NBAS: variants seen among roughly 807,000 people sequenced by gnomAD.
NBAS encodes NBAS subunit of NRZ tethering complex.
In NBAS, 219 loss-of-function variants were observed where a neutral mutation model predicts 302.5. The ratio of observed to expected loss-of-function variants is 0.72; its 90% CI spans 0.65 to 0.81. The LOEUF is 0.81. Ranked by LOEUF, NBAS falls within the 30% of genes least tolerant of loss-of-function variation. The pLI, the probability that NBAS is intolerant of heterozygous loss-of-function variation, is 0.00. For missense variants in NBAS, 2,932 were observed against 2,841.6 expected (o/e 1.03, Z -0.72); for synonymous variants, 1,118 against 1,021.6 (o/e 1.09, Z -1.80).
the NBAS span, among the ~76,000 whole-genome samples, chr2:15,107,023 C>T: frequency 6.6e-6 from 1 of 152,064 alleles, no homozygotes; most frequent in African/African-American, 2.4e-5. Context: ...TAAAACCAAA[C>T]TACCACTTGC....
chr2:14,910,095 C>A, the NBAS span, among the ~76,000 whole-genome samples: 31 of 152,146 alleles, frequency 2.0e-4, no homozygotes, highest in East Asian at 5.0e-3. Flanking sequence ...GGTTCATTTG[C>A]GTATGAGAAT....
rs1675867015 is a variant in NBAS, at chr2:15,396,396, A to AG, written c.3134+16_3134+17insC. The AG allele has an allele frequency of 6.3e-7, 1 of 1,598,768 alleles. No homozygotes were observed. The highest frequency in any genetic ancestry group is 1.7e-5 in the Admixed American group (1 of 58,752). On this transcript the variant is annotated intron_variant, in intron 27 of 51. Transcript: ENST00000281513. ...TTAATAAGCATGGAGAAAAAAAAAAACTGTCATTTTTCTCACCTGAGAATT... is the reference window on the plus strand; with the variant it reads ...TTAATAAGCATGGAGAAAAAAAAAAAGCTGTCATTTTTCTCACCTGAGAATT...
chr2:15,506,004 C>G (rs368549996), intron 10 of NBAS, among the ~76,000 whole-genome samples: 2 of 151,256 alleles, frequency 1.3e-5, no homozygotes, highest in East Asian at 3.9e-4. Flanking sequence ...ACAAGGTACT[C>G]AAGGATAATT....
intron 18 of NBAS, 120 bp downstream of exon 18, chr2:15,467,542 TAG>T: frequency 7.9e-7 from 1 of 1,271,604 alleles, no homozygotes; most frequent in Non-Finnish European, 1.1e-6. Context: ...GGTAAGATAA[TAG>T]TAAGTACATT....
chr2:15,179,223 G>A (rs946863649), intron 50 of NBAS, 107 bp from the exon 51 acceptor site: 1 of 1,552,158 alleles, frequency 6.4e-7, no homozygotes, highest in Admixed American at 1.8e-5. Flanking sequence ...GTGTGTGTGT[G>A]TGTGTAAAGC....
Position 15,309,123 on chromosome 2 carries a change from T to A in NBAS, c.4659+48A>T, listed in dbSNP as rs754374719. On this transcript the variant is annotated intron_variant, in intron 39 of 51. Coordinates refer to ENST00000281513, the MANE Select transcript of NBAS (RefSeq NM_015909.4). ...TACCGATGAAAATTCACAGCATACA[T>A]TTTCCATTTAGTCATTTTAAATTCT... 4 of 1,482,430 alleles carry A rather than the reference T, an allele frequency of 2.7e-6. No individual in the cohort carries two copies. In the East Asian group the frequency reaches 9.2e-5, roughly 34 times the overall value. The allele number at this position is 1,482,430 out of a possible 1,614,324, so 91.8% of individuals were successfully genotyped here.
At chr2:15,213,263 A>G (rs983000483) in intron 48 of NBAS, among the ~76,000 whole-genome samples, 9 of 152,368 alleles carry the variant, frequency 5.9e-5, no homozygotes, top group African/African-American at 2.2e-4. Context: ...CAAATGACAT[A>G]TGCTTGAAGA....
chr2:14,876,123 A>G, the NBAS span, among the ~76,000 whole-genome samples: 1 of 152,230 alleles, frequency 6.6e-6, no homozygotes, highest in Admixed American at 6.5e-5. Flanking sequence ...TTTTTTAAAA[A>G]TTGTATTTAT....
chr2:14,934,648 C>A, the NBAS span, among the ~76,000 whole-genome samples: 5 of 152,064 alleles, frequency 3.3e-5, no homozygotes, highest in African/African-American at 1.2e-4. Flanking sequence ...TTTTTAATAC[C>A]CTATGTCAAC....
chr2:14,927,805 T>C, the NBAS span, among the ~76,000 whole-genome samples: 1 of 152,248 alleles, frequency 6.6e-6, no homozygotes, highest in Non-Finnish European at 1.5e-5. Flanking sequence ...TGACTGGTGT[T>C]AAGCACCTTT....
chr2:15,073,430 A>C, the NBAS span, among the ~76,000 whole-genome samples: 29 of 150,540 alleles, frequency 1.9e-4, no homozygotes, highest in African/African-American at 5.6e-4. Flanking sequence ...GAGCCAAGAC[A>C]ACACTATTGC....
intron 42 of NBAS, among the ~76,000 whole-genome samples, chr2:15,277,464 G>C (rs1669637517): frequency 6.6e-6 from 1 of 151,966 alleles, no homozygotes; most frequent in Non-Finnish European, 1.5e-5. Flanking sequence ...CATAAAAAGG[G>C]TTTAAAAATC....
chr2:15,196,304 A>C (rs1459964100), intron 48 of NBAS, among the ~76,000 whole-genome samples: 2 of 152,214 alleles, frequency 1.3e-5, no homozygotes, highest in African/African-American at 4.8e-5. Context: ...ACACACAAAG[A>C]CACACAAATG....
At chr2:15,396,352 A>G (rs1397198062) in intron 27 of NBAS, 61 bp downstream of exon 27, 1 of 1,365,656 alleles carries the variant, frequency 7.3e-7, no homozygotes, top group African/African-American at 1.5e-5. Context: ...TTAATGTGAC[A>G]TTTCTTGGAC....
intron 6 of NBAS, among the ~76,000 whole-genome samples, chr2:15,541,543 T>C (rs1209257535): frequency 5.3e-5 from 8 of 152,184 alleles, no homozygotes; most frequent in Non-Finnish European, 1.2e-4. Context: ...TTTCTTCATT[T>C]TGATTATTTA....
the NBAS span, among the ~76,000 whole-genome samples, chr2:14,870,284 G>T: frequency 6.6e-6 from 1 of 152,124 alleles, no homozygotes; most frequent in Non-Finnish European, 1.5e-5. Flanking sequence ...GCAGAGGGAT[G>T]CACAGAGAAA....
the NBAS span, among the ~76,000 whole-genome samples, chr2:14,947,078 A>C: frequency 6.6e-6 from 1 of 152,138 alleles, no homozygotes; most frequent in South Asian, 2.1e-4. Flanking sequence ...AAAGATTTCA[A>C]ATCAACAGCC....
intron 48 of NBAS, among the ~76,000 whole-genome samples, chr2:15,216,875 C>T (rs149819038): frequency 2.0e-5 from 3 of 152,048 alleles, no homozygotes; most frequent in Non-Finnish European, 4.4e-5. Context: ...ATCATCCTGG[C>T]GAGAAGGTGA....
intron 11 of NBAS, among the ~76,000 whole-genome samples, chr2:15,490,352 A>G (rs1680803369): frequency 6.6e-6 from 1 of 152,222 alleles, no homozygotes; most frequent in Non-Finnish European, 1.5e-5. Context: ...GACTAAAATT[A>G]CTTTAACTAG....
Sources: allele counts gnomAD v4.1 joint callset (sites outside exome capture counted in the v4.1 genomes callset), GRCh38; gene constraint gnomAD v4.1.1; transcripts MANE v1.5; gene names NCBI Gene and HGNC (gene_info 2026-07-23, HGNC 2026-07-21).